The following EGR2 variants were observed in gnomAD, a reference collection of about 807,000 sequenced individuals.
EGR2 encodes the protein early growth response 2, also known as E3 SUMO-protein ligase EGR2.
EGR2 carries 2 observed loss-of-function variants against 21.2 expected under a neutral mutation model. That is an observed-to-expected ratio of 0.09 (90% CI 0.04 to 0.30). The LOEUF (loss-of-function observed/expected upper bound fraction) is 0.30, where lower values mean the gene tolerates loss of function less well. Among genes scored for constraint, EGR2 ranks in the 10% least tolerant of loss-of-function variants. EGR2 has a pLI of 1.00. For missense variants in EGR2, 458 were observed against 630.2 expected, an observed-to-expected ratio of 0.73 and a Z score of 2.93; for synonymous variants, 282 against 258.2, an observed-to-expected ratio of 1.09 and a Z score of -0.88.
Position 62,816,105 on chromosome 10 carries a change from G to C in EGR2, c.-76C>G. ...AGAAAAGCCGTTTTGGAGAGGGGTT[G>C]GACTGAGCCTGGGATGGTATCTCCT... is the stretch of plus-strand genomic sequence containing the variant. On this transcript the variant is annotated 5_prime_UTR_variant, in exon 1 of 2. Coordinates refer to ENST00000242480, the MANE Select transcript of EGR2 (RefSeq NM_000399.5). The C allele has an allele frequency of 6.2e-7, 1 of 1,612,798 alleles. No homozygotes were observed. Among genetic ancestry groups the C allele is most frequent in the Non-Finnish European group, 8.5e-7 (1 of 1,179,814 alleles).
chr10:62,818,435 G>A (rs1020910817), upstream of EGR2: 1 of 414,624 alleles, frequency 2.4e-6, no homozygotes, highest in African/African-American at 2.2e-5. Flanking sequence ...TCGCAGCAAG[G>A]TTAGCACCCT....
At chr10:62,816,444 G>C (rs1194010308), upstream of EGR2, 1 of 1,065,752 alleles carries the variant, frequency 9.4e-7, no homozygotes, top group African/African-American at 1.7e-5. Context: ...ATGGACTGAG[G>C]AACAGGGCTG....
upstream of EGR2, among the ~76,000 whole-genome samples, chr10:62,818,185 A>T (rs1838299762): frequency 6.6e-6 from 1 of 151,864 alleles, no homozygotes; most frequent in African/African-American, 2.4e-5. Flanking sequence ...CGACCGCTGC[A>T]GCCGTGCGCC....
At position 62,813,513 on chromosome 10, in the gene EGR2, G is replaced by A. The variant is rs1455338669; in HGVS notation, c.1125C>T (p.Cys375=). The part of the protein sequence containing the change: ...TGHKPFQCRI[C]MRNFSRSDHL... ...GGTCACTGCGGCTGAAGTTGCGCATGCAGATCCGACACTGGAAGGGCTTAT... is the reference window on the plus strand; with the variant it reads ...GGTCACTGCGGCTGAAGTTGCGCATACAGATCCGACACTGGAAGGGCTTAT... The change falls in exon 2 of 2, where the codon TGC becomes TGT. Residue 375 remains cysteine, a synonymous_variant. Coordinates refer to ENST00000242480, the MANE Select transcript of EGR2 (RefSeq NM_000399.5). This position sits in a 1 kb window ranked among gnomAD's most constrained non-coding sequence, Gnocchi z 5.7. The A allele has an allele frequency of 1.2e-6, 2 of 1,613,958 alleles. No homozygotes were observed. The highest frequency in any genetic ancestry group is 2.2e-5 in the South Asian group (2 of 91,086).
upstream of EGR2, among the ~76,000 whole-genome samples, chr10:62,816,688 C>T (rs1842279393): frequency 6.6e-6 from 1 of 152,164 alleles, no homozygotes; most frequent in Non-Finnish European, 1.5e-5. Context: ...GCGGCTCAGC[C>T]TCCCGGGGCG....
upstream of EGR2, chr10:62,818,682 G>T (rs1422491558): frequency 2.6e-6 from 3 of 1,152,286 alleles, no homozygotes; most frequent in Admixed American, 2.8e-5. Flanking sequence ...GCCGAATTAT[G>T]CAAATGCGGA....
rs886047096 is a variant in EGR2, at chr10:62,816,314, ACAGT to A, written c.-289_-286del. ...GAGTTGCTGGTGTAGTGTTATTATA[ACAGT>A]CAGTGAGTCCCCTCGCCGAGCTATT... On this transcript the variant is annotated 5_prime_UTR_variant, in exon 1 of 2. Coordinates refer to ENST00000242480, the MANE Select transcript of EGR2 (RefSeq NM_000399.5). 25 of 1,298,926 alleles carry A rather than the reference ACAGT, an allele frequency of 1.9e-5. No homozygotes were observed. The highest frequency in any genetic ancestry group is 2.3e-5 in the Non-Finnish European group (23 of 1,014,672). 80.5% of individuals were successfully genotyped at this position (1,298,926 alleles called of 1,614,324 possible).
chr10:62,817,123 G>A (rs1217873130), upstream of EGR2, among the ~76,000 whole-genome samples: 3 of 152,106 alleles, frequency 2.0e-5, no homozygotes, highest in African/African-American at 7.2e-5. This position sits in a 1 kb window ranked among gnomAD's most constrained non-coding sequence, Gnocchi z 4.4. Context: ...AATTACTGTG[G>A]GGAGCTTCGA....
In EGR2 at chr10:62,816,131, T is replaced by G; in HGVS notation, c.-102A>C. 1 of 1,607,466 alleles carries G rather than the reference T, an allele frequency of 6.2e-7. No individual in the cohort carries two copies. On this transcript the variant is annotated 5_prime_UTR_variant, in exon 1 of 2. Coordinates refer to ENST00000242480, the MANE Select transcript of EGR2 (RefSeq NM_000399.5). ...GACTGAGCCTGGGATGGTATCTCCT[T>G]TTGCCCTCCACACTTAAAAACAACC...
upstream of EGR2, among the ~76,000 whole-genome samples, chr10:62,818,084 C>G (rs1194448131): frequency 6.6e-6 from 1 of 152,256 alleles, no homozygotes; most frequent in Non-Finnish European, 1.5e-5. Flanking sequence ...GCGGCCCTAG[C>G]TTAGTGTGGG....
At chr10:62,819,077 G>A (rs566957735), upstream of EGR2, 458 of 152,628 alleles carry the variant, frequency 3.0e-3, no homozygotes, top group Non-Finnish European at 3.8e-3. Flanking sequence ...AGTCTTGAAA[G>A]CACATTAGAG....
Position 62,813,282 on chromosome 10 carries a change from G to A in EGR2, c.1356C>T (p.Thr452=), listed in dbSNP as rs1404283219. 3 of 1,571,242 alleles carry A rather than the reference G, an allele frequency of 1.9e-6. No homozygotes were observed. Among genetic ancestry groups the A allele is most frequent in the Non-Finnish European group, 2.6e-6 (3 of 1,157,216 alleles). The change falls in exon 2 of 2, where the codon ACC becomes ACT. Residue 452 remains threonine (T), a synonymous_variant. Transcript: ENST00000242480. This position sits in a 1 kb window ranked among gnomAD's most constrained non-coding sequence, Gnocchi z 5.7. The part of the protein sequence containing the change: ...SCSGGVQPGG[T]LCSSNSSSLG... ...GACTGCTGCTGTTACTGCTGCACAG[G>A]GTACCCCCAGGCTGCACGCCCCCAG...
Position 62,816,089 on chromosome 10 carries a change from G to T in EGR2, c.-60C>A, listed in dbSNP as rs1314708018. The T allele has an allele frequency of 3.7e-6, 6 of 1,613,376 alleles. No homozygotes were observed. Among genetic ancestry groups the T allele is most frequent in the Non-Finnish European group, 5.1e-6 (6 of 1,179,886 alleles). Reference sequence around the variant, plus strand: ...CGCTACCTGGAGTGTCAGAAAAGCCGTTTTGGAGAGGGGTTGGACTGAGCC... The same window carrying T: ...CGCTACCTGGAGTGTCAGAAAAGCCTTTTTGGAGAGGGGTTGGACTGAGCC... On this transcript the variant is annotated 5_prime_UTR_variant, in exon 1 of 2. Coordinates refer to ENST00000242480, the MANE Select transcript of EGR2 (RefSeq NM_000399.5).
At chr10:62,817,961 A>C (rs964818220), upstream of EGR2, among the ~76,000 whole-genome samples, 1 of 152,000 alleles carries the variant, frequency 6.6e-6, no homozygotes, top group Non-Finnish European at 1.5e-5. The surrounding 1 kb of genome is among the most constrained non-coding windows in gnomAD (Gnocchi z 4.4). Context: ...TCGTTTGTGC[A>C]GGTTGCGAAC....
chr10:62,813,668 G>C lies in EGR2; in HGVS notation c.970C>G (p.Arg324Gly). Residue 324 changes from arginine to glycine, a missense_variant, in exon 2 of 2, where the codon CGC becomes GGC. Coordinates refer to ENST00000242480, the MANE Select transcript of EGR2 (RefSeq NM_000399.5). The surrounding 1 kb of genome is among the most constrained non-coding windows in gnomAD (Gnocchi z 5.7). ...TTGCTGGGTCTGTTGGGGTACTTGC[G>C]AGGCCTCAGAATGGGCCGCAGTGGC... Reference protein sequence around the residue: ...HLPLRPILRPRKYPNRPSKTP... With the variant: ...HLPLRPILRPGKYPNRPSKTP... 2 of 1,613,376 alleles carry C rather than the reference G, an allele frequency of 1.2e-6. No homozygotes were observed. Among genetic ancestry groups the C allele is most frequent in the Non-Finnish European group, 8.5e-7 (1 of 1,180,022 alleles).
chr10:62,813,147 T>A lies in EGR2; in HGVS notation c.*60A>T. ...AGGGTGGTAGTGTTTGTTGTGCAGC[T>A]CCAGTGGACAAAGGGCCTCCGGGAC... On this transcript the variant is annotated 3_prime_UTR_variant, in exon 2 of 2. Coordinates refer to ENST00000242480, the MANE Select transcript of EGR2 (RefSeq NM_000399.5). This position sits in a 1 kb window ranked among gnomAD's most constrained non-coding sequence, Gnocchi z 5.7. 1 of 1,494,272 alleles carries A rather than the reference T, an allele frequency of 6.7e-7. No individual in the cohort carries two copies. Among genetic ancestry groups the A allele is most frequent in the South Asian group, 1.3e-5 (1 of 74,888 alleles). The allele number at this position is 1,494,272 out of a possible 1,614,324, so 92.6% of individuals were successfully genotyped here. A position where few individuals can be genotyped will look rare whatever the true frequency, so the allele number is the denominator to read the frequency against.
chr10:62,818,608 G>C, upstream of EGR2: 3 of 1,277,242 alleles, frequency 2.3e-6, no homozygotes, highest in Non-Finnish European at 3.1e-6. Context: ...CCATGGGCAA[G>C]ACGACGCCTC....
upstream of EGR2, chr10:62,818,492 A>G: frequency 9.6e-7 from 1 of 1,042,310 alleles, no homozygotes. Context: ...CTATTTCTCA[A>G]GAAAGAAAGA....
rs1453862271 is a variant in EGR2, at chr10:62,812,939, C to G, written c.*268G>C. On this transcript the variant is annotated 3_prime_UTR_variant, in exon 2 of 2. Coordinates refer to ENST00000242480, the MANE Select transcript of EGR2 (RefSeq NM_000399.5). ...TAAAGCAGGGTCAGACCTCAGCCCT[C>G]TTGGCCAGGGGTCCCCACACCACCT... The G allele has an allele frequency of 2.6e-6, 1 of 381,582 alleles. No individual in the cohort carries two copies. Among genetic ancestry groups the G allele is most frequent in the Non-Finnish European group, 4.7e-6 (1 of 213,154 alleles). 23.6% of individuals were successfully genotyped at this position (381,582 alleles called of 1,614,324 possible).
Sources: allele counts gnomAD v4.1 joint callset (sites outside exome capture counted in the v4.1 genomes callset), GRCh38; gene constraint gnomAD v4.1.1; non-coding constraint Gnocchi (gnomAD v3.1); transcripts MANE v1.5; gene names NCBI Gene and HGNC (gene_info 2026-07-23, HGNC 2026-07-21).